Variants in TGFBR3 observed in about 807,000 individuals in gnomAD.
TGFBR3 encodes transforming growth factor beta receptor type 3.
A neutral mutation model predicts 87.9 loss-of-function variants in TGFBR3; 46 were observed. The observed-to-expected ratio is 0.52, with a 90% CI of 0.41 to 0.67. TGFBR3 has a LOEUF of 0.67. Ranked by LOEUF, TGFBR3 falls within the 30% of genes least tolerant of loss-of-function variation. The pLI is 0.00. For synonymous variants in TGFBR3, 381 were observed against 391.6 expected (o/e 0.97, Z 0.32); for missense variants, 866 against 1,041.9 (o/e 0.83, Z 2.32).
intron 16 of TGFBR3, among the ~76,000 whole-genome samples, chr1:91,685,557 C>T (rs1208016669): frequency 2.0e-5 from 3 of 152,044 alleles, no homozygotes; most frequent in Non-Finnish European, 2.9e-5. Context: ...CTCCTGACCT[C>T]GTGATCGGCC....
rs181863632 is a variant in TGFBR3, at chr1:91,728,932, A to G, written c.737+873T>C. On this transcript the variant is annotated intron_variant, in intron 6 of 16. Coordinates refer to ENST00000212355, the MANE Select transcript of TGFBR3 (RefSeq NM_003243.5). ...CTTGATAGGGAGGGTCGAATTTCCA[A>G]TCCAGGGGTAGGAAGCTGAGAGGGA... 1.1e-4 allele frequency among the ~76,000 whole-genome samples: 16 copies of G among 152,104 alleles called. No homozygotes were observed. The East Asian group carries it at 2.9e-3, about 28-fold the overall frequency.
chr1:91,689,514 CAT>C (rs1432961372), intron 16 of TGFBR3, among the ~76,000 whole-genome samples: 1 of 152,136 alleles, frequency 6.6e-6, no homozygotes, highest in African/African-American at 2.4e-5. Context: ...AGAACGAATA[CAT>C]GAGTGAACAA....
chr1:91,895,318 C>T (rs568741224), intron 2 of TGFBR3, among the ~76,000 whole-genome samples: 1 of 152,280 alleles, frequency 6.6e-6, no homozygotes, highest in East Asian at 1.9e-4. Context: ...CACTCTCTTG[C>T]TCCTGCTTCC....
At chr1:91,790,970 G>A (rs756280488) in intron 3 of TGFBR3, among the ~76,000 whole-genome samples, 5 of 152,136 alleles carry the variant, frequency 3.3e-5, no homozygotes, top group Admixed American at 2.0e-4. Context: ...AAAGGTGTTC[G>A]TGTATTAATA....
chr1:91,872,984 G>A (rs1353415384), intron 1 of TGFBR3, among the ~76,000 whole-genome samples: 3 of 151,642 alleles, frequency 2.0e-5, no homozygotes, highest in African/African-American at 4.8e-5. Context: ...GGGAGGGGGG[G>A]ATAGGGTTTC....
At chr1:91,789,442 C>T (rs1318467197) in intron 3 of TGFBR3, among the ~76,000 whole-genome samples, 1 of 152,212 alleles carries the variant, frequency 6.6e-6, no homozygotes, top group African/African-American at 2.4e-5. Flanking sequence ...CAACCAGGCT[C>T]AGTCCCTCTG....
chr1:91,840,563 G>A (rs1677236981), intron 2 of TGFBR3, among the ~76,000 whole-genome samples: 1 of 151,302 alleles, frequency 6.6e-6, no homozygotes, highest in African/African-American at 2.4e-5. Context: ...GTAATATCAT[G>A]CATTGGTCAT....
At chr1:91,874,383 G>T (rs1678703970) in intron 1 of TGFBR3, among the ~76,000 whole-genome samples, 2 of 152,220 alleles carry the variant, frequency 1.3e-5, no homozygotes, top group Non-Finnish European at 1.5e-5. Context: ...GAGCAGCCTA[G>T]AGAGCACAAG....
At chr1:91,795,791 A>G (rs1378976032) in intron 3 of TGFBR3, among the ~76,000 whole-genome samples, 1 of 152,218 alleles carries the variant, frequency 6.6e-6, no homozygotes, top group Non-Finnish European at 1.5e-5. Flanking sequence ...TTACTGGGAT[A>G]AAGAAATCTG....
intron 3 of TGFBR3, among the ~76,000 whole-genome samples, chr1:91,768,104 C>T (rs557529388): frequency 6.6e-6 from 1 of 151,500 alleles, no homozygotes; most frequent in Non-Finnish European, 1.5e-5. Context: ...TCCAGCTACT[C>T]AGGAGGCTGA....
At chr1:91,800,654 A>G (rs910591463) in intron 2 of TGFBR3, among the ~76,000 whole-genome samples, 2 of 152,084 alleles carry the variant, frequency 1.3e-5, no homozygotes, top group African/African-American at 4.8e-5. Flanking sequence ...AGATTGAAAA[A>G]GAAAAAAAGC....
At chr1:91,814,052 T>C (rs1466645404) in intron 2 of TGFBR3, among the ~76,000 whole-genome samples, 1 of 152,184 alleles carries the variant, frequency 6.6e-6, no homozygotes. Context: ...TCCTAACAGG[T>C]CCGTGGCCTG....
At chr1:91,798,198 G>A (rs560201220) in intron 2 of TGFBR3, among the ~76,000 whole-genome samples, 9 of 152,176 alleles carry the variant, frequency 5.9e-5, no homozygotes, top group South Asian at 4.2e-4. Context: ...CTTCCTGAAC[G>A]GAGTCTGAGG....
In TGFBR3 at chr1:91,809,859, C is replaced by G. The variant is rs930130226; in HGVS notation, c.62-12388G>C. Among the ~76,000 whole-genome samples the G allele has an allele frequency of 2.0e-5, 3 of 152,290 alleles. No individual in the cohort carries two copies. In the East Asian group the frequency reaches 5.8e-4, roughly 29 times the overall value. On this transcript the variant is annotated intron_variant, in intron 2 of 16. Transcript: ENST00000212355. ...ACATTTGCAGAGAAATTATGAACAC[C>G]TGGTCACTGGTGTGCTCTTGCTCCT...
intron 2 of TGFBR3, among the ~76,000 whole-genome samples, chr1:91,825,384 A>G (rs1027628562): frequency 6.6e-6 from 1 of 152,266 alleles, no homozygotes; most frequent in South Asian, 2.1e-4. Flanking sequence ...AATTGGTCAC[A>G]AAAGGCCACA....
intron 3 of TGFBR3, among the ~76,000 whole-genome samples, chr1:91,769,462 C>CA (rs1413365164): frequency 6.6e-6 from 1 of 152,164 alleles, no homozygotes; most frequent in Middle Eastern, 3.4e-3. Context: ...CCTTTGCCCC[C>CA]ACTCTCTTTC....
intron 3 of TGFBR3, among the ~76,000 whole-genome samples, chr1:91,784,079 A>AC (rs1168650335): frequency 1.3e-5 from 2 of 152,106 alleles, no homozygotes; most frequent in Non-Finnish European, 2.9e-5. Context: ...GATGACTAAA[A>AC]CCCCTCAGAG....
intron 1 of TGFBR3, among the ~76,000 whole-genome samples, chr1:91,863,663 A>G (rs559305173): frequency 5.3e-5 from 8 of 152,316 alleles, no homozygotes; most frequent in Non-Finnish European, 7.4e-5. Context: ...TGTTTACTGA[A>G]AAATAAACAT....
intron 10 of TGFBR3, 113 bp from the exon 11 acceptor site, chr1:91,716,821 C>G (rs1260609705): frequency 3.0e-6 from 4 of 1,321,532 alleles, no homozygotes; most frequent in Non-Finnish European, 4.4e-6. Flanking sequence ...GAAAATCTGA[C>G]TTTAAGACAA....
Sources: gnomAD v4.1 joint callset for allele counts (sites outside exome capture counted in the v4.1 genomes callset) on GRCh38, gnomAD v4.1.1 for gene constraint, MANE v1.5 for transcripts, NCBI Gene and HGNC (gene_info 2026-07-23, HGNC 2026-07-21) for gene names.